ITGB8: variants seen among roughly 807,000 people sequenced by gnomAD.
ITGB8 encodes the protein integrin beta-8.
ITGB8 carries 30 observed loss-of-function variants against 89.5 expected under a neutral mutation model. The ratio of observed to expected loss-of-function variants is 0.34; its 90% CI spans 0.25 to 0.45. The LOEUF is 0.45. ITGB8 is among the 20% of genes least tolerant of loss of function. ITGB8 has a pLI of 1.00. For synonymous variants in ITGB8, 335 were observed against 320.4 expected (o/e 1.05, Z -0.49); for missense variants, 836 against 933.3 (o/e 0.90, Z 1.36).
intron 1 of ITGB8, among the ~76,000 whole-genome samples, chr7:20,356,098 C>T (rs561797971): frequency 1.6e-4 from 25 of 152,158 alleles, no homozygotes; most frequent in Non-Finnish European, 2.8e-4. Flanking sequence ...TATGTTTCCT[C>T]CTTTTCTCTC....
chr7:20,368,590 T>A (rs371219905), intron 3 of ITGB8, among the ~76,000 whole-genome samples: 1 of 152,208 alleles, frequency 6.6e-6, no homozygotes, highest in African/African-American at 2.4e-5. Flanking sequence ...AATGCCAATT[T>A]TCAGCAGCTT....
Position 20,376,054 on chromosome 7 carries a change from C to T in ITGB8, c.389-2997C>T, listed in dbSNP as rs960191197. Among the ~76,000 whole-genome samples the T allele has an allele frequency of 3.9e-5, 6 of 152,238 alleles. No individual in the cohort carries two copies. In the East Asian group the frequency reaches 1.2e-3, roughly 29 times the overall value. ...GGAGGAAAAGTGAGGAGCAATCATT[C>T]CCCTTCCCTTCCTTCCCCTCCCTAA... On this transcript the variant is annotated intron_variant, in intron 3 of 13. Coordinates refer to ENST00000222573, the MANE Select transcript of ITGB8 (RefSeq NM_002214.3).
intron 10 of ITGB8, among the ~76,000 whole-genome samples, chr7:20,402,709 C>G (rs1355135741): frequency 2.6e-5 from 4 of 152,188 alleles, no homozygotes; most frequent in Non-Finnish European, 4.4e-5. Context: ...TACTGCCTTA[C>G]TAAGTAATCT....
chr7:20,374,761 C>T (rs1290249634), intron 3 of ITGB8, among the ~76,000 whole-genome samples: 2 of 152,150 alleles, frequency 1.3e-5, no homozygotes, highest in Non-Finnish European at 2.9e-5. Flanking sequence ...ATTTGTCTTG[C>T]TAGAGCTAAA....
intron 3 of ITGB8, among the ~76,000 whole-genome samples, chr7:20,373,288 A>T (rs922423575): frequency 1.3e-5 from 2 of 151,988 alleles, no homozygotes; most frequent in Non-Finnish European, 2.9e-5. Context: ...TCTTATTTTC[A>T]CTTATGAATC....
chr7:20,398,564 C>T (rs1322343342), intron 8 of ITGB8, among the ~76,000 whole-genome samples: 29 of 152,128 alleles, frequency 1.9e-4, no homozygotes, highest in Admixed American at 1.9e-3. Flanking sequence ...TTAAAAATGA[C>T]TGTTTTGTTA....
chr7:20,380,264 C>A, intron 4 of ITGB8: 1 of 160,170 alleles, frequency 6.2e-6, no homozygotes, highest in Non-Finnish European at 1.4e-5. Flanking sequence ...TTAAAAAAAA[C>A]TAATATCATA....
In ITGB8 at chr7:20,385,842, T is replaced by A. The variant is rs192642546; in HGVS notation, c.960+3957T>A. Among the ~76,000 whole-genome samples the A allele has an allele frequency of 2.7e-3, 414 of 152,346 alleles. 3 individuals are homozygous for A. The highest frequency in any genetic ancestry group is 9.4e-3 in the African/African-American group (389 of 41,584). On this transcript the variant is annotated intron_variant, in intron 6 of 13. Coordinates refer to ENST00000222573, the MANE Select transcript of ITGB8 (RefSeq NM_002214.3). ...ACGTTCATAACACTATTACATTTAT[T>A]CTTTCTGAAAGGGATATTTCTGACA...
In ITGB8 at chr7:20,409,708, A is replaced by G; in HGVS notation, c.2117A>G (p.Gln706Arg). 1 of 1,610,246 alleles carries G rather than the reference A, an allele frequency of 6.2e-7. No homozygotes were observed. Among genetic ancestry groups the G allele is most frequent in the African/African-American group, 1.3e-5 (1 of 74,952 alleles). The change falls in exon 13 of 14, where the codon CAG becomes CGG. Residue 706 changes from glutamine to arginine, a missense_variant. Gln to Arg is a conservative substitution (Grantham distance 43). This residue lies in a region of ITGB8 where 422 missense variants were observed against 416.9 expected (regional missense o/e 1.01). Coordinates refer to ENST00000222573, the MANE Select transcript of ITGB8 (RefSeq NM_002214.3). ...TTGCTTAAAGTCCTGATCATTAGAC[A>G]GGTGATACTACAATGGAATAGTAAT... ...IGLLKVLIIR[Q>R]VILQWNSNKI...
In ITGB8 at chr7:20,381,750, G is replaced by A. The variant is rs1467865540; in HGVS notation, c.825G>A (p.Glu275=). 1.9e-6 allele frequency: 3 copies of A among 1,611,254 alleles called. No homozygotes were observed. Among genetic ancestry groups the A allele is most frequent in the Non-Finnish European group, 2.5e-6 (3 of 1,179,188 alleles). The change falls in exon 6 of 14, where the codon GAG becomes GAA. Residue 275 remains glutamate, a synonymous_variant. Coordinates refer to ENST00000222573, the MANE Select transcript of ITGB8 (RefSeq NM_002214.3). ...AGAGTCATATCGGATGGCGAAAAGA[G>A]GCTAAAAGATTGCTGCTGGTGATGA... The part of the protein sequence containing the change: ...VCESHIGWRK[E]AKRLLLVMTD...
chr7:20,394,597 T>C (rs777377144), intron 7 of ITGB8, among the ~76,000 whole-genome samples: 11 of 152,184 alleles, frequency 7.2e-5, no homozygotes, highest in Non-Finnish European at 1.3e-4. Context: ...GGGCTTTACA[T>C]TCCATGGAAG....
Position 20,394,946 on chromosome 7 carries a change from G to A in ITGB8, c.1107G>A (p.Lys369=). The A allele has an allele frequency of 6.2e-7, 1 of 1,613,600 alleles. No homozygotes were observed. The highest frequency in any genetic ancestry group is 8.5e-7 in the Non-Finnish European group (1 of 1,179,614). ...PGTIAGEIES[K]AANLNNLVVE... is the part of the protein sequence containing the mutation. ...CCATTGCTGGTGAAATAGAATCAAA[G>A]GCTGCAAACCTCAATAATTTGGTAG... is the stretch of plus-strand genomic sequence containing the variant. The change falls in exon 8 of 14, where the codon AAG becomes AAA. Residue 369 remains lysine (K), a synonymous_variant. Coordinates refer to ENST00000222573, the MANE Select transcript of ITGB8 (RefSeq NM_002214.3).
intron 6 of ITGB8, among the ~76,000 whole-genome samples, chr7:20,383,490 C>G (rs2127964460): frequency 6.6e-6 from 1 of 152,134 alleles, no homozygotes; most frequent in Admixed American, 6.5e-5. Context: ...GGAGAGGGTA[C>G]AGGAAGAATT....
In ITGB8 at chr7:20,380,702, C is replaced by T. The variant is rs1490470124; in HGVS notation, c.672C>T (p.Tyr224=). The T allele has an allele frequency of 2.5e-6, 4 of 1,610,728 alleles. No individual in the cohort carries two copies. The highest frequency in any genetic ancestry group is 2.2e-5 in the East Asian group (1 of 44,870). ...TAGACTGCATGCCTCCCCATGGATA[C>T]ATCCATGTGCTGTCTTTGACAGAGA... The part of the protein sequence containing the change: ...YNLDCMPPHG[Y]IHVLSLTENI... Residue 224 remains tyrosine, a synonymous_variant, in exon 5 of 14, where the codon TAC becomes TAT. Transcript: ENST00000222573.
intron 3 of ITGB8, among the ~76,000 whole-genome samples, chr7:20,371,896 T>C (rs1475627987): frequency 1.3e-5 from 2 of 152,234 alleles, no homozygotes; most frequent in Non-Finnish European, 2.9e-5. Flanking sequence ...TAGCCTTTCA[T>C]TAGTCAACCA....
At chr7:20,407,011 G>C (rs1289800891) in intron 12 of ITGB8, among the ~76,000 whole-genome samples, 2 of 152,126 alleles carry the variant, frequency 1.3e-5, no homozygotes, top group African/African-American at 4.8e-5. Context: ...ATATTGATTA[G>C]ACATGAGGAA....
chr7:20,395,530 G>A (rs971882550), intron 8 of ITGB8, among the ~76,000 whole-genome samples: 4 of 152,184 alleles, frequency 2.6e-5, no homozygotes, highest in Non-Finnish European at 5.9e-5. Context: ...TTGAGTTGAT[G>A]GTTGTATGCT....
chr7:20,355,542 C>A (rs1220615185), intron 1 of ITGB8, among the ~76,000 whole-genome samples: 1 of 152,126 alleles, frequency 6.6e-6, no homozygotes, highest in Non-Finnish European at 1.5e-5. Flanking sequence ...GACCAGCAAA[C>A]AGAGAAGGCA....
At chr7:20,406,648 C>T (rs1163740070) in intron 12 of ITGB8, among the ~76,000 whole-genome samples, 1 of 151,834 alleles carries the variant, frequency 6.6e-6, no homozygotes. Context: ...GTGTCATCTT[C>T]TACCTTAGAT....
Sources: allele counts gnomAD v4.1 joint callset (sites outside exome capture counted in the v4.1 genomes callset), GRCh38; gene constraint gnomAD v4.1.1; regional missense constraint gnomAD v4.1.1; transcripts MANE v1.5; gene names NCBI Gene and HGNC (gene_info 2026-07-23, HGNC 2026-07-21).